The following STK33 variants were observed in gnomAD, a reference collection of about 807,000 sequenced individuals.
STK33 encodes serine/threonine kinase 33, also known as serine/threonine-protein kinase 33.
In STK33, 52 loss-of-function variants were observed where a neutral mutation model predicts 58.0. The ratio of observed to expected loss-of-function variants is 0.90; its 90% CI spans 0.72 to 1.13. The LOEUF is 1.13. Among genes scored for constraint, STK33 ranks in the 50% most tolerant of loss-of-function variants. STK33 has a pLI of 0.00. For synonymous variants in STK33, 215 were observed against 200.1 expected (o/e 1.07, Z -0.63); for missense variants, 630 against 604.2 (o/e 1.04, Z -0.45).
intron 1 of STK33, among the ~76,000 whole-genome samples, chr11:8,586,936 G>C (rs546608069): frequency 3.3e-5 from 5 of 151,362 alleles, no homozygotes; most frequent in Non-Finnish European, 7.4e-5. Flanking sequence ...ACCTAGCATA[G>C]TATCTGGCTC....
At chr11:8,588,083 C>T (rs926143146) in intron 1 of STK33, among the ~76,000 whole-genome samples, 1 of 152,146 alleles carries the variant, frequency 6.6e-6, no homozygotes, top group African/African-American at 2.4e-5. Context: ...TGGTAGAGAA[C>T]AGAGAGCACT....
At chr11:8,579,612 C>T (rs550676329) in intron 1 of STK33, among the ~76,000 whole-genome samples, 1 of 151,982 alleles carries the variant, frequency 6.6e-6, no homozygotes, top group African/African-American at 2.4e-5. Flanking sequence ...AAGCGACTTG[C>T]CAAAGACTCA....
intron 1 of STK33, among the ~76,000 whole-genome samples, chr11:8,483,240 G>A (rs1343135675): frequency 6.6e-6 from 1 of 152,100 alleles, no homozygotes; most frequent in Non-Finnish European, 1.5e-5. Context: ...GGTTCTCCAA[G>A]TAGAGACACC....
the STK33 span, among the ~76,000 whole-genome samples, chr11:8,338,111 A>G: frequency 6.6e-6 from 1 of 152,236 alleles, no homozygotes; most frequent in Non-Finnish European, 1.5e-5. Flanking sequence ...TAGTGGCACC[A>G]GTACTTAGAA....
At chr11:8,398,036 T>A (rs1442651243) in intron 15 of STK33, among the ~76,000 whole-genome samples, 1 of 152,208 alleles carries the variant, frequency 6.6e-6, no homozygotes, top group Admixed American at 6.5e-5. Flanking sequence ...GAAAACACTC[T>A]GCACGATATT....
chr11:8,369,792 T>G, the STK33 span, among the ~76,000 whole-genome samples: 1 of 152,246 alleles, frequency 6.6e-6, no homozygotes, highest in African/African-American at 2.4e-5. Context: ...CCTTGGTTGC[T>G]GTGCATGCCC....
chr11:8,421,113 GTGT>G (rs1050611695), intron 14 of STK33, among the ~76,000 whole-genome samples: 14 of 151,982 alleles, frequency 9.2e-5, no homozygotes, highest in Admixed American at 3.3e-4. Flanking sequence ...TTTCCTTCTG[GTGT>G]TGTTTTATTA....
chr11:8,550,445 G>A (rs963740948), intron 1 of STK33, among the ~76,000 whole-genome samples: 3 of 151,994 alleles, frequency 2.0e-5, no homozygotes, highest in African/African-American at 7.3e-5. Flanking sequence ...ACACTCAACC[G>A]GGATTTTCTT....
At chr11:8,406,271 GTATC>G (rs747856598) in intron 15 of STK33, among the ~76,000 whole-genome samples, 12 of 151,008 alleles carry the variant, frequency 7.9e-5, no homozygotes, top group South Asian at 2.1e-4. Flanking sequence ...ATTAATTACT[GTATC>G]TATGTAGTAA....
At chr11:8,438,926 T>C (rs1304200864) in intron 12 of STK33, among the ~76,000 whole-genome samples, 3 of 152,222 alleles carry the variant, frequency 2.0e-5, no homozygotes, top group Non-Finnish European at 4.4e-5. Flanking sequence ...TAAGCAACGA[T>C]GTGTGTTGAC....
the STK33 span, among the ~76,000 whole-genome samples, chr11:8,359,325 G>A: frequency 7.9e-5 from 12 of 152,246 alleles, no homozygotes; most frequent in African/African-American, 2.7e-4. Context: ...GGAAATGCAT[G>A]CTGAAGTGTT....
chr11:8,421,242 T>C (rs981389944), intron 14 of STK33, among the ~76,000 whole-genome samples: 1 of 152,200 alleles, frequency 6.6e-6, no homozygotes, highest in African/African-American at 2.4e-5. Flanking sequence ...TATATTCACC[T>C]ATATTTCCAC....
intron 1 of STK33, among the ~76,000 whole-genome samples, chr11:8,516,545 C>T (rs571317966): frequency 7.9e-5 from 12 of 152,324 alleles, no homozygotes; most frequent in African/African-American, 2.2e-4. Flanking sequence ...TCACCTCACC[C>T]GGGAAGTGCA....
the STK33 span, among the ~76,000 whole-genome samples, chr11:8,356,495 G>T: frequency 6.6e-6 from 1 of 152,028 alleles, no homozygotes; most frequent in African/African-American, 2.4e-5. Context: ...CGTGGGAGAG[G>T]TGGGTGGGAT....
At chr11:8,341,350 T>C in the STK33 span, among the ~76,000 whole-genome samples, 1 of 152,206 alleles carries the variant, frequency 6.6e-6, no homozygotes, top group East Asian at 1.9e-4. Context: ...CTGGGCCTTC[T>C]ACTGCCCTCA....
chr11:8,460,544 G>C (rs1469202618), intron 8 of STK33, among the ~76,000 whole-genome samples: 1 of 152,044 alleles, frequency 6.6e-6, no homozygotes, highest in Non-Finnish European at 1.5e-5. Context: ...GAGCATCAGT[G>C]AACTGTGGAC....
intron 1 of STK33, among the ~76,000 whole-genome samples, chr11:8,546,582 C>A (rs1955929641): frequency 6.6e-6 from 1 of 150,796 alleles, no homozygotes; most frequent in Admixed American, 6.6e-5. Context: ...ACCAACCTCT[C>A]TTCATCCCCC....
intron 1 of STK33, among the ~76,000 whole-genome samples, chr11:8,490,595 A>G (rs550229211): frequency 7.2e-5 from 11 of 152,306 alleles, no homozygotes; most frequent in Admixed American, 1.3e-4. Flanking sequence ...TTGAGCTCTG[A>G]GAACGGACAG....
rs147875604 is a variant in STK33, at chr11:8,435,611, T to C, written c.1061-32A>G. On this transcript the variant is annotated intron_variant, in intron 13 of 15. Transcript: ENST00000687296. ...ATAAGAAAAAAATCCTGAAAAATCT[T>C]ATTTAACTACAATTAATAGCATACA... The C allele has an allele frequency of 2.2e-4, 287 of 1,317,198 alleles. 1 individual carries two copies. In the African/African-American group the frequency reaches 3.7e-3, roughly 17 times the overall value. The allele number at this position is 1,317,198 out of a possible 1,614,324, so 81.6% of individuals were successfully genotyped here.
Sources: gnomAD v4.1 joint callset for allele counts (sites outside exome capture counted in the v4.1 genomes callset) on GRCh38, gnomAD v4.1.1 for gene constraint, MANE v1.5 for transcripts, NCBI Gene and HGNC (gene_info 2026-07-23, HGNC 2026-07-21) for gene names.